The following WDR27 variants were observed in gnomAD, a reference collection of about 807,000 sequenced individuals.
The protein encoded by WDR27 is WD repeat domain 27.
In WDR27, 100 loss-of-function variants were observed where a neutral mutation model predicts 114.4. That is an observed-to-expected ratio of 0.87 (90% CI 0.74 to 1.03). The LOEUF (loss-of-function observed/expected upper bound fraction) is 1.03, where lower values mean the gene tolerates loss of function less well. Ranked by LOEUF, WDR27 falls within the 50% of genes least tolerant of loss-of-function variation. The pLI, the probability that WDR27 is intolerant of heterozygous loss-of-function variation, is 0.00. For missense variants in WDR27, 1,129 were observed against 1,092.9 expected, an observed-to-expected ratio of 1.03 and a Z score of -0.47; for synonymous variants, 449 against 423.1, an observed-to-expected ratio of 1.06 and a Z score of -0.75.
intron 14 of WDR27, 90 bp from the exon 15 acceptor site, chr6:169,649,365 T>G: frequency 9.0e-7 from 1 of 1,105,072 alleles, no homozygotes; most frequent in Non-Finnish European, 1.3e-6. Flanking sequence ...AAAAATTATA[T>G]ACATAGATAT....
intron 1 of WDR27, among the ~76,000 whole-genome samples, chr6:169,698,483 T>A (rs973931671): frequency 1.3e-5 from 2 of 152,170 alleles, no homozygotes; most frequent in African/African-American, 2.4e-5. Flanking sequence ...GTGCAACCTA[T>A]CCTCCCATTG....
chr6:169,542,603 C>T (rs1796963602), intron 25 of WDR27, among the ~76,000 whole-genome samples: 2 of 152,008 alleles, frequency 1.3e-5, no homozygotes, highest in African/African-American at 2.4e-5. Context: ...TGGAAGTGAA[C>T]TGTAGAGTAG....
intron 25 of WDR27, among the ~76,000 whole-genome samples, chr6:169,539,366 C>T (rs1796575674): frequency 6.6e-6 from 1 of 152,164 alleles, no homozygotes; most frequent in Non-Finnish European, 1.5e-5. Flanking sequence ...CCAAAATATT[C>T]CATTTCATGT....
At chr6:169,583,494 T>C (rs1242479168) in intron 23 of WDR27, among the ~76,000 whole-genome samples, 473 of 25,604 alleles carry the variant, frequency 0.018, 6 homozygotes, top group African/African-American at 0.034. Flanking sequence ...TATACATATA[T>C]ATATATATAT....
At chr6:169,624,041 CGTGTGGGGTCAGGTGTGCCGT>C (rs1463020396) in intron 21 of WDR27, among the ~76,000 whole-genome samples, 6 of 152,076 alleles carry the variant, frequency 3.9e-5, no homozygotes, top group African/African-American at 1.4e-4. Context: ...CCACATGCCG[CGTGTGGGGTCAGGTGTGCCGT>C]GTGTGGGGTC....
intron 25 of WDR27, among the ~76,000 whole-genome samples, chr6:169,566,171 A>G (rs1397910265): frequency 6.6e-6 from 1 of 151,970 alleles, no homozygotes; most frequent in Non-Finnish European, 1.5e-5. Flanking sequence ...AAGAAACCAG[A>G]TCAATTATGT....
At chr6:169,472,405 G>A (rs1786544281) in intron 25 of WDR27, among the ~76,000 whole-genome samples, 1 of 152,092 alleles carries the variant, frequency 6.6e-6, no homozygotes, top group South Asian at 2.1e-4. Flanking sequence ...ACAAACACAG[G>A]CTCTAGAGTC....
chr6:169,568,917 T>C (rs1426133440), intron 25 of WDR27, among the ~76,000 whole-genome samples: 3 of 152,210 alleles, frequency 2.0e-5, no homozygotes, highest in African/African-American at 7.2e-5. Context: ...CGTGTCTCAG[T>C]ATCAATCGTA....
intron 24 of WDR27, among the ~76,000 whole-genome samples, chr6:169,575,423 T>C (rs752596533): frequency 3.9e-4 from 14 of 36,342 alleles, no homozygotes; most frequent in Non-Finnish European, 1.5e-3. Context: ...CATCCATCCA[T>C]CCACCCACCA....
chr6:169,584,716 G>T (rs917303851), intron 23 of WDR27, among the ~76,000 whole-genome samples: 3 of 152,152 alleles, frequency 2.0e-5, no homozygotes, highest in Admixed American at 1.3e-4. Flanking sequence ...TTGGAGAAAT[G>T]TCTATCCAGG....
At chr6:169,455,331 G>A (rs1027859417), downstream of WDR27, among the ~76,000 whole-genome samples, 1 of 152,100 alleles carries the variant, frequency 6.6e-6, no homozygotes, top group African/African-American at 2.4e-5. Flanking sequence ...CAAACACACA[G>A]GTCTATTAGA....
chr6:169,429,585 T>A, the WDR27 span, among the ~76,000 whole-genome samples: 1 of 152,174 alleles, frequency 6.6e-6, no homozygotes, highest in African/African-American at 2.4e-5. Context: ...TTCTGTCACT[T>A]CTAGTTGGAA....
chr6:169,700,224 G>A (rs1363871354), intron 1 of WDR27, among the ~76,000 whole-genome samples: 1 of 152,228 alleles, frequency 6.6e-6, no homozygotes, highest in South Asian at 2.1e-4. Context: ...TCTGGACCAC[G>A]AGGAACCACA....
chr6:169,476,800 C>T (rs1323542101), intron 25 of WDR27, among the ~76,000 whole-genome samples: 2 of 152,072 alleles, frequency 1.3e-5, no homozygotes. Flanking sequence ...CATGCAGTGA[C>T]CTTGTTGAAT....
chr6:169,510,573 T>A (rs911008071), intron 25 of WDR27, among the ~76,000 whole-genome samples: 26 of 138,136 alleles, frequency 1.9e-4, no homozygotes, highest in African/African-American at 6.3e-4. Flanking sequence ...TAGGTGGGAA[T>A]TGAACAATGA....
At chr6:169,641,858 T>C (rs374440633) in intron 17 of WDR27, among the ~76,000 whole-genome samples, 4 of 152,250 alleles carry the variant, frequency 2.6e-5, no homozygotes, top group Non-Finnish European at 5.9e-5. Flanking sequence ...ATGACGCAGC[T>C]CTCCCGCGCA....
At chr6:169,437,231 T>C in the WDR27 span, among the ~76,000 whole-genome samples, 1 of 152,124 alleles carries the variant, frequency 6.6e-6, no homozygotes, top group Admixed American at 6.5e-5. Flanking sequence ...TGTATGTGAT[T>C]GAGTTGGCTA....
intron 25 of WDR27, among the ~76,000 whole-genome samples, chr6:169,464,464 TA>T (rs1156258598): frequency 1.2e-4 from 18 of 152,212 alleles, no homozygotes; most frequent in African/African-American, 3.9e-4. Context: ...CTTCCAGAAT[TA>T]GGGTTGGCAA....
intron 18 of WDR27, 40 bp downstream of exon 18, chr6:169,638,499 T>C: frequency 3.1e-6 from 5 of 1,604,708 alleles, no homozygotes; most frequent in Non-Finnish European, 3.4e-6. Context: ...CTCAGCTCCT[T>C]TGGAAATGAC....
Sources: allele counts gnomAD v4.1 joint callset (sites outside exome capture counted in the v4.1 genomes callset), GRCh38; gene constraint gnomAD v4.1.1; transcripts MANE v1.5; gene names NCBI Gene and HGNC (gene_info 2026-07-23, HGNC 2026-07-21).